Variants in ARHGAP12 observed in about 807,000 individuals in gnomAD.
ARHGAP12 encodes rho GTPase-activating protein 12.
A neutral mutation model predicts 108.6 loss-of-function variants in ARHGAP12; 64 were observed. The ratio of observed to expected loss-of-function variants is 0.59; its 90% CI spans 0.48 to 0.73. The LOEUF is 0.73. ARHGAP12 is among the 30% of genes least tolerant of loss of function. The probability of loss-of-function intolerance (pLI) is 0.00; values close to 1 mark genes in which losing one functional copy is unlikely to be tolerated. For synonymous variants in ARHGAP12, 312 were observed against 337.2 expected, an observed-to-expected ratio of 0.93 and a Z score of 0.82; for missense variants, 940 against 1,005.9, an observed-to-expected ratio of 0.93 and a Z score of 0.89.
chr10:31,875,445 AT>A (rs1442546873), intron 3 of ARHGAP12, among the ~76,000 whole-genome samples: 4 of 152,190 alleles, frequency 2.6e-5, no homozygotes, highest in Admixed American at 2.6e-4. Context: ...AAAAGTCACA[AT>A]GAGAATACAG....
At chr10:31,922,162 C>G (rs1420711554) in intron 1 of ARHGAP12, among the ~76,000 whole-genome samples, 9 of 102,696 alleles carry the variant, frequency 8.8e-5, no homozygotes, top group Non-Finnish European at 1.4e-4. Context: ...GCCTGGGAGA[C>G]AGAGCAAGAC....
rs775326319 is a variant in ARHGAP12 at position 31,908,581 on chromosome 10, G to A, written c.275C>T (p.Thr92Met). 1.5e-5 allele frequency: 25 copies of A among 1,614,006 alleles called. No individual in the cohort carries two copies. Among genetic ancestry groups the A allele is most frequent in the African/African-American group, 8.0e-5 (6 of 74,900 alleles). The stretch of plus-strand genomic sequence containing the variant: ...AAGATGCAAACTCTGCATTATTTTC[G>A]TGGAGTTATTTGGCAGACCAGCTAC... Reference protein sequence around the residue: ...KQVAGLPNNSTKIMQSLHLQR... With the variant: ...KQVAGLPNNSMKIMQSLHLQR... The change falls in exon 3 of 20, where the codon ACG (threonine) becomes ATG (methionine). Residue 92 changes from threonine (T) to methionine (M), a missense_variant. By Grantham distance (81) the Thr-to-Met change is moderately conservative. Transcript: ENST00000344936.
At chr10:31,827,320 C>T (rs1393372528) in intron 10 of ARHGAP12, among the ~76,000 whole-genome samples, 2 of 152,082 alleles carry the variant, frequency 1.3e-5, no homozygotes, top group African/African-American at 4.8e-5. Context: ...TTATCTGCCT[C>T]AGGCCTAGCA....
At chr10:31,852,078 T>G in intron 6 of ARHGAP12, among the ~76,000 whole-genome samples, 1 of 152,160 alleles carries the variant, frequency 6.6e-6, no homozygotes. Flanking sequence ...GTTGCCTATA[T>G]CTCAGTCAAT....
chr10:31,848,122 C>T (rs1390621135), intron 6 of ARHGAP12, among the ~76,000 whole-genome samples: 1 of 152,150 alleles, frequency 6.6e-6, no homozygotes, highest in Non-Finnish European at 1.5e-5. Flanking sequence ...CAATACTCTC[C>T]TTGTGTCATA....
chr10:31,888,999 T>C (rs1838298330), intron 3 of ARHGAP12, among the ~76,000 whole-genome samples: 1 of 152,034 alleles, frequency 6.6e-6, no homozygotes, highest in Non-Finnish European at 1.5e-5. Flanking sequence ...AACCTCTGCC[T>C]CCCAGGTTCA....
At chr10:31,896,840 T>C (rs922080781) in intron 3 of ARHGAP12, among the ~76,000 whole-genome samples, 7 of 152,294 alleles carry the variant, frequency 4.6e-5, no homozygotes, top group African/African-American at 7.2e-5. Context: ...AAATAATTTA[T>C]TTCTAGGACC....
chr10:31,921,494 G>A (rs1320081315), intron 1 of ARHGAP12, among the ~76,000 whole-genome samples: 2 of 151,994 alleles, frequency 1.3e-5, no homozygotes, highest in East Asian at 1.9e-4. Flanking sequence ...GGTCGGGCGC[G>A]GTAGCTCATG....
At chr10:31,852,812 G>GGTTCAAGCA (rs1202052075) in intron 5 of ARHGAP12, among the ~76,000 whole-genome samples, 1 of 144,268 alleles carries the variant, frequency 6.9e-6, no homozygotes, top group Non-Finnish European at 1.5e-5. Context: ...CCACCTCCCA[G>GGTTCAAGCA]GTTCAAGCAG....
chr10:31,892,880 C>A (rs926241078), intron 3 of ARHGAP12, among the ~76,000 whole-genome samples: 1 of 152,104 alleles, frequency 6.6e-6, no homozygotes, highest in Non-Finnish European at 1.5e-5. Context: ...TGTAAAATAA[C>A]AGAAATTATA....
intron 3 of ARHGAP12, among the ~76,000 whole-genome samples, chr10:31,902,233 G>A (rs1330259746): frequency 1.3e-5 from 2 of 151,518 alleles, no homozygotes; most frequent in Non-Finnish European, 2.9e-5. Context: ...CCACACAAAG[G>A]AGCCCAAATT....
At chr10:31,906,611 G>T (rs1839142962) in intron 3 of ARHGAP12, among the ~76,000 whole-genome samples, 1 of 152,202 alleles carries the variant, frequency 6.6e-6, no homozygotes, top group Admixed American at 6.5e-5. Context: ...AGAGAACTGA[G>T]TAAAATGAAG....
At chr10:31,849,829 G>C (rs1193799256) in intron 6 of ARHGAP12, among the ~76,000 whole-genome samples, 1 of 152,096 alleles carries the variant, frequency 6.6e-6, no homozygotes, top group Non-Finnish European at 1.5e-5. Flanking sequence ...TACCCTTTGA[G>C]GTCTTGATTC....
chr10:31,889,259 G>A (rs1336312930), intron 3 of ARHGAP12, among the ~76,000 whole-genome samples: 1 of 152,148 alleles, frequency 6.6e-6, no homozygotes, highest in Non-Finnish European at 1.5e-5. Context: ...TAGGCAAAGG[G>A]ATTTAGAAAA....
intron 1 of ARHGAP12, among the ~76,000 whole-genome samples, chr10:31,927,946 G>T (rs1317513690): frequency 1.3e-5 from 2 of 152,246 alleles, no homozygotes; most frequent in Non-Finnish European, 2.9e-5. Flanking sequence ...ACTTTGAGGA[G>T]ATTCCGCCCA....
At chr10:31,916,816 C>T (rs1028721130) in intron 1 of ARHGAP12, among the ~76,000 whole-genome samples, 2 of 151,962 alleles carry the variant, frequency 1.3e-5, no homozygotes, top group Non-Finnish European at 2.9e-5. Context: ...GGGGTTTCAC[C>T]ATGTTGGCCA....
chr10:31,875,011 C>A (rs1837678569), intron 3 of ARHGAP12, among the ~76,000 whole-genome samples: 1 of 136,810 alleles, frequency 7.3e-6, no homozygotes, highest in Admixed American at 7.6e-5. Context: ...AATTTTCACA[C>A]ACATACTCAT....
At chr10:31,839,202 A>G in intron 9 of ARHGAP12, 103 bp downstream of exon 9, 1 of 1,225,806 alleles carries the variant, frequency 8.2e-7, no homozygotes, top group Non-Finnish European at 1.2e-6. Flanking sequence ...CAGTTAAGCT[A>G]TATTATTTCC....
intron 7 of ARHGAP12, among the ~76,000 whole-genome samples, chr10:31,841,887 A>C (rs926206474): frequency 3.3e-5 from 5 of 152,072 alleles, no homozygotes; most frequent in African/African-American, 1.2e-4. Flanking sequence ...TCAAAACCTA[A>C]AATACTGCCT....
Sources: allele counts gnomAD v4.1 joint callset (sites outside exome capture counted in the v4.1 genomes callset), GRCh38; gene constraint gnomAD v4.1.1; transcripts MANE v1.5; gene names NCBI Gene and HGNC (gene_info 2026-07-23, HGNC 2026-07-21).